The following WDR27 variants were observed in gnomAD, a reference collection of about 807,000 sequenced individuals.
The protein encoded by WDR27 is WD repeat-containing protein 27.
In WDR27, 100 loss-of-function variants were observed where a neutral mutation model predicts 114.4. The ratio of observed to expected loss-of-function variants is 0.87; its 90% CI spans 0.74 to 1.03. WDR27 has a LOEUF of 1.03. Among genes scored for constraint, WDR27 ranks in the 50% least tolerant of loss-of-function variants. WDR27 has a pLI of 0.00. For missense variants in WDR27, 1,129 were observed against 1,092.9 expected, an observed-to-expected ratio of 1.03 and a Z score of -0.47; for synonymous variants, 449 against 423.1, an observed-to-expected ratio of 1.06 and a Z score of -0.75.
the WDR27 span, among the ~76,000 whole-genome samples, chr6:169,449,523 G>C: frequency 6.6e-6 from 1 of 152,168 alleles, no homozygotes; most frequent in Non-Finnish European, 1.5e-5. Flanking sequence ...TTAGCATGCT[G>C]ACTCTGCAGG....
At chr6:169,427,109 C>T in the WDR27 span, 1 of 152,476 alleles carries the variant, frequency 6.6e-6, no homozygotes, top group Non-Finnish European at 1.5e-5. Context: ...GCCTGAGGCC[C>T]TGAGGCTGGA....
chr6:169,486,385 AG>A (rs1214080668), intron 25 of WDR27, among the ~76,000 whole-genome samples: 8 of 152,254 alleles, frequency 5.3e-5, no homozygotes, highest in African/African-American at 1.9e-4. Flanking sequence ...ACTGCAGCAC[AG>A]GCTGTGAATG....
rs1040362088 is a variant in WDR27, at chr6:169,667,374, G to GA, written c.661-188dup. 1.3e-4 allele frequency: 161 copies of GA among 1,231,562 alleles called. 1 individual carries two copies. Among genetic ancestry groups the GA allele is most frequent in the Middle Eastern group, 6.3e-4 (2 of 3,200 alleles). 76.3% of individuals were successfully genotyped at this position (1,231,562 alleles called of 1,614,324 possible). ...CCATAAAATATGTCAGAATCAAAAA[G>GA]AAAAAAATAACATCACTTCCATAAA... On this transcript the variant is annotated intron_variant, in intron 5 of 25. Transcript: ENST00000448612.
intron 18 of WDR27, among the ~76,000 whole-genome samples, chr6:169,637,294 A>C (rs1036472461): frequency 2.7e-4 from 41 of 152,226 alleles, no homozygotes; most frequent in African/African-American, 9.4e-4. Flanking sequence ...CATTACTGCT[A>C]TCTGGACTAT....
chr6:169,461,159 C>G (rs1784864042), intron 25 of WDR27, among the ~76,000 whole-genome samples: 1 of 152,078 alleles, frequency 6.6e-6, no homozygotes, highest in African/African-American at 2.4e-5. Flanking sequence ...AAGAAATAAA[C>G]AGTTTTACAA....
chr6:169,449,695 C>T, the WDR27 span, among the ~76,000 whole-genome samples: 12 of 152,282 alleles, frequency 7.9e-5, no homozygotes, highest in Admixed American at 7.2e-4. Context: ...GGGATGCGGA[C>T]CAGTTTTCAA....
intron 23 of WDR27, among the ~76,000 whole-genome samples, chr6:169,598,952 C>A (rs990963309): frequency 1.3e-5 from 2 of 152,098 alleles, no homozygotes; most frequent in Admixed American, 6.5e-5. Flanking sequence ...TGATTTTCAA[C>A]GTGAAAATAA....
At chr6:169,599,361 G>A (rs190357860) in intron 23 of WDR27, among the ~76,000 whole-genome samples, 11 of 152,294 alleles carry the variant, frequency 7.2e-5, no homozygotes, top group Middle Eastern at 3.4e-3. Flanking sequence ...TAGCTGAATT[G>A]TTCACATTAG....
At position 169,507,362 on chromosome 6, in the gene WDR27, C is replaced by T. The variant is rs1199180256; in HGVS notation, c.2646-49728G>A. Among the ~76,000 whole-genome samples the T allele has an allele frequency of 2.0e-5, 3 of 152,180 alleles. No individual in the cohort carries two copies. The East Asian group carries it at 5.8e-4, about 29-fold the overall frequency. On this transcript the variant is annotated intron_variant, in intron 25 of 25. Transcript: ENST00000448612. Reference sequence around the variant, plus strand: ...ATCAATTCACTTGCAGGTACACACCCACAGTGGTTCTGGGCACACGGCTGG... The same window carrying T: ...ATCAATTCACTTGCAGGTACACACCTACAGTGGTTCTGGGCACACGGCTGG...
intron 25 of WDR27, among the ~76,000 whole-genome samples, chr6:169,546,991 G>A (rs1423037798): frequency 1.3e-5 from 2 of 151,398 alleles, no homozygotes; most frequent in Non-Finnish European, 2.9e-5. Context: ...AATGAAAGAG[G>A]GGACACCACA....
intron 25 of WDR27, among the ~76,000 whole-genome samples, chr6:169,566,386 A>G (rs933694148): frequency 1.3e-5 from 2 of 152,120 alleles, no homozygotes; most frequent in African/African-American, 4.8e-5. Flanking sequence ...CAACCCACAG[A>G]GGGGCCGGCC....
chr6:169,478,138 G>A (rs1398863758), intron 25 of WDR27, among the ~76,000 whole-genome samples: 1 of 152,078 alleles, frequency 6.6e-6, no homozygotes, highest in Non-Finnish European at 1.5e-5. Flanking sequence ...TGCCTACAAG[G>A]GGGGCCAAGA....
At chr6:169,462,884 C>G (rs1785090190) in intron 25 of WDR27, among the ~76,000 whole-genome samples, 1 of 152,076 alleles carries the variant, frequency 6.6e-6, no homozygotes, top group African/African-American at 2.4e-5. Flanking sequence ...TCAATTTATG[C>G]AGAAAAAGCA....
intron 25 of WDR27, among the ~76,000 whole-genome samples, chr6:169,485,197 G>A (rs1001569638): frequency 6.6e-6 from 1 of 152,176 alleles, no homozygotes; most frequent in Non-Finnish European, 1.5e-5. Context: ...AGGAGCTTCT[G>A]CACAGCAAAA....
chr6:169,588,457 T>C (rs986476893), intron 23 of WDR27, among the ~76,000 whole-genome samples: 1 of 152,236 alleles, frequency 6.6e-6, no homozygotes, highest in African/African-American at 2.4e-5. Context: ...GGTTCATCTG[T>C]GAGTTTTTTC....
At position 169,587,214 on chromosome 6, in the gene WDR27, C is replaced by CTTT. The variant is rs770797963; in HGVS notation, c.2425-4283_2425-4281dup. Among the ~76,000 whole-genome samples, 36 of 115,676 alleles carry CTTT rather than the reference C, an allele frequency of 3.1e-4. 1 individual carries two copies. The highest frequency in any genetic ancestry group is 8.1e-4 in the African/African-American group (25 of 30,918). The allele number at this position is 115,676 out of a possible 152,430, so 75.9% of individuals were successfully genotyped here. The stretch of plus-strand genomic sequence containing the variant: ...GATATCCTTTCTCCTCAAGGATTTT[C>CTTT]TTTTTTTTTTTTTTTTTTTTTAAAG... On this transcript the variant is annotated intron_variant, in intron 23 of 25. Transcript: ENST00000448612.
intron 25 of WDR27, among the ~76,000 whole-genome samples, chr6:169,526,115 C>T (rs928518927): frequency 2.6e-5 from 4 of 152,128 alleles, no homozygotes; most frequent in South Asian, 4.1e-4. Context: ...AATCAATTAA[C>T]GGGCACAAAT....
chr6:169,701,028 T>C (rs890745124), intron 1 of WDR27, among the ~76,000 whole-genome samples: 2 of 152,212 alleles, frequency 1.3e-5, no homozygotes, highest in Non-Finnish European at 2.9e-5. Flanking sequence ...AAAGATACCA[T>C]AGTCTTAAAG....
At chr6:169,631,267 T>C (rs1816271529) in intron 21 of WDR27, among the ~76,000 whole-genome samples, 1 of 152,136 alleles carries the variant, frequency 6.6e-6, no homozygotes, top group African/African-American at 2.4e-5. Flanking sequence ...TGCTCTGGTT[T>C]ATACGCAGGA....
Sources: allele counts gnomAD v4.1 joint callset (sites outside exome capture counted in the v4.1 genomes callset), GRCh38; gene constraint gnomAD v4.1.1; transcripts MANE v1.5; gene names NCBI Gene and HGNC (gene_info 2026-07-23, HGNC 2026-07-21).